SOX13: variants seen among roughly 807,000 people sequenced by gnomAD.
The protein encoded by SOX13 is transcription factor SOX-13.
A neutral mutation model predicts 71.8 loss-of-function variants in SOX13; 28 were observed. That is an observed-to-expected ratio of 0.39 (90% confidence interval 0.29 to 0.53). The LOEUF is 0.53. Among genes scored for constraint, SOX13 ranks in the 20% least tolerant of loss-of-function variants. The pLI, the probability that SOX13 is intolerant of heterozygous loss-of-function variation, is 0.70. For synonymous variants in SOX13, 309 were observed against 317.8 expected (o/e 0.97, Z 0.29); for missense variants, 627 against 810.3 (o/e 0.77, Z 2.75).
intron 1 of SOX13, among the ~76,000 whole-genome samples, chr1:204,079,222 C>A (rs183692530): frequency 1.3e-4 from 20 of 151,806 alleles, no homozygotes; most frequent in African/African-American, 4.8e-4. Context: ...GGCATGAACC[C>A]GGGGCCAAGA....
At chr1:204,114,065 AGGGACTTGTGT>A (rs1447364401) in intron 2 of SOX13, among the ~76,000 whole-genome samples, 2 of 152,228 alleles carry the variant, frequency 1.3e-5, no homozygotes, top group East Asian at 1.9e-4. Context: ...AGAGCATTTC[AGGGACTTGTGT>A]GGGATCAAGC....
rs1655707884 is a variant in SOX13, at chr1:204,073,328, C to T, written c.-385C>T. 6.5e-6 allele frequency: 1 copy of T among 152,854 alleles called. No homozygotes were observed. The highest frequency in any genetic ancestry group is 1.5e-5 in the Non-Finnish European group (1 of 68,488). 9.5% of individuals were successfully genotyped at this position (152,854 alleles called of 1,614,324 possible). A position where few individuals can be genotyped will look rare whatever the true frequency, so the allele number is the denominator to read the frequency against. On this transcript the variant is annotated 5_prime_UTR_variant, in exon 1 of 14. Coordinates refer to ENST00000367204, the MANE Select transcript of SOX13 (RefSeq NM_005686.3). The surrounding 1 kb of genome is among the most constrained non-coding windows in gnomAD (Gnocchi z 6.8). ...CGTGAGAGCCGAAGAGCAGGGAGGG[C>T]GGGCCGGCTGCGCGTCCGACGAGTC...
At position 204,117,637 on chromosome 1, in the gene SOX13, C is replaced by G. The variant is rs1333587289; in HGVS notation, c.705C>G (p.Ser235Arg). 6.2e-7 allele frequency: 1 copy of G among 1,613,726 alleles called. No homozygotes were observed. Among genetic ancestry groups the G allele is most frequent in the South Asian group, 1.1e-5 (1 of 90,932 alleles). Residue 235 changes from serine to arginine, a missense_variant, in exon 7 of 14, where the codon AGC becomes AGG. Physicochemically the swap from Ser to Arg is moderately radical, Grantham distance 110. Coordinates refer to ENST00000367204, the MANE Select transcript of SOX13 (RefSeq NM_005686.3). ...TCATGATCCCAGCCTTCCCCCCAAG[C>G]CACCAACCTCTGCCTGTCACCCCTG... The part of the protein sequence containing the change: ...PYVMIPAFPP[S>R]HQPLPVTPDS...
chr1:204,096,778 A>C (rs2102237287), intron 1 of SOX13, among the ~76,000 whole-genome samples: 1 of 152,174 alleles, frequency 6.6e-6, no homozygotes, highest in East Asian at 1.9e-4. Flanking sequence ...TCTGTTTTTC[A>C]CAGCAGCTAT....
chr1:204,116,286 G>T, intron 4 of SOX13: 3 of 1,508,946 alleles, frequency 2.0e-6, no homozygotes, highest in South Asian at 1.2e-5. Context: ...GGAATTCATG[G>T]CTAATAGGGG....
intron 1 of SOX13, among the ~76,000 whole-genome samples, chr1:204,088,152 G>C (rs1656062411): frequency 6.6e-6 from 1 of 152,204 alleles, no homozygotes; most frequent in Admixed American, 6.5e-5. Flanking sequence ...ATGTGTGCTT[G>C]TAGGGCCCTC....
chr1:204,114,705 C>A, intron 4 of SOX13, 100 bp downstream of exon 4: 1 of 892,194 alleles, frequency 1.1e-6, no homozygotes, highest in Non-Finnish European at 1.9e-6. Context: ...TTGGTACATA[C>A]CTATCCTGTG....
intron 1 of SOX13, among the ~76,000 whole-genome samples, chr1:204,084,768 G>T (rs1655983185): frequency 7.1e-6 from 1 of 140,976 alleles, no homozygotes; most frequent in Non-Finnish European, 1.5e-5. Context: ...CTGTCTTCCA[G>T]ATTCACCCCC....
intron 1 of SOX13, among the ~76,000 whole-genome samples, chr1:204,105,413 C>CTCTTTTTTTTT (rs149562684): frequency 7.2e-6 from 1 of 137,964 alleles, no homozygotes; most frequent in Admixed American, 6.9e-5. Flanking sequence ...TGTATAATCT[C>CTCTTTTTTTTT]TTTTTTTTTT....
chr1:204,086,169 A>G (rs1168404413), intron 1 of SOX13, among the ~76,000 whole-genome samples: 1 of 152,166 alleles, frequency 6.6e-6, no homozygotes, highest in Non-Finnish European at 1.5e-5. Flanking sequence ...GCTCATCCCA[A>G]GCTCCTTGCC....
intron 1 of SOX13, among the ~76,000 whole-genome samples, chr1:204,101,393 G>A (rs137879640): frequency 5.3e-5 from 8 of 152,026 alleles, no homozygotes; most frequent in Non-Finnish European, 1.0e-4. Flanking sequence ...ATGGCTGGGC[G>A]CGGTGGCTAA....
chr1:204,109,854 C>T (rs559655796), intron 1 of SOX13, among the ~76,000 whole-genome samples: 43 of 151,438 alleles, frequency 2.8e-4, no homozygotes, highest in Admixed American at 5.3e-4. Context: ...TTTTTTGAGA[C>T]GGAGTTTCGC....
intron 1 of SOX13, among the ~76,000 whole-genome samples, chr1:204,096,260 G>A (rs557096361): frequency 6.8e-5 from 2 of 29,566 alleles, no homozygotes; most frequent in African/African-American, 1.2e-4. Context: ...TTTTTTTTGC[G>A]ACAGGGTCTC....
chr1:204,082,293 C>G (rs1238164025), intron 1 of SOX13, among the ~76,000 whole-genome samples: 1 of 151,958 alleles, frequency 6.6e-6, no homozygotes, highest in Non-Finnish European at 1.5e-5. Context: ...GGCCTGTGCT[C>G]TGGAGACCCT....
intron 1 of SOX13, among the ~76,000 whole-genome samples, chr1:204,095,005 T>G (rs1239616080): frequency 6.6e-6 from 1 of 152,176 alleles, no homozygotes; most frequent in Admixed American, 6.5e-5. Context: ...GTCCTGCCAC[T>G]CCCTTCTATG....
intron 1 of SOX13, among the ~76,000 whole-genome samples, chr1:204,086,326 T>C (rs1477767297): frequency 6.6e-6 from 1 of 152,174 alleles, no homozygotes; most frequent in East Asian, 1.9e-4. Flanking sequence ...GTTTTTGAAA[T>C]GGAGTCTCGC....
At chr1:204,122,012 G>T (rs760485105) in intron 8 of SOX13, 27 bp downstream of exon 8, 2 of 1,520,788 alleles carry the variant, frequency 1.3e-6, no homozygotes, top group Non-Finnish European at 1.8e-6. Flanking sequence ...ACTGGCCTGG[G>T]GCTCCCTCTC....
intron 13 of SOX13, among the ~76,000 whole-genome samples, chr1:204,125,139 G>A (rs1009020209): frequency 6.6e-6 from 1 of 152,078 alleles, no homozygotes. Flanking sequence ...TAGATCCCAC[G>A]GCCGATAAAC....
Position 204,123,038 on chromosome 1 carries a change from C to A in SOX13, c.1135-74C>A. ...AGGAGTGGAAGACACAGTCTGAGGC[C>A]ACCAAGAGAGGAGCATGGGGAGGAG... On this transcript the variant is annotated intron_variant, in intron 10 of 13. Transcript: ENST00000367204. This position sits in a 1 kb window ranked among gnomAD's most constrained non-coding sequence, Gnocchi z 5.0. 6.6e-7 allele frequency: 1 copy of A among 1,517,100 alleles called. No homozygotes were observed. The highest frequency in any genetic ancestry group is 9.1e-7 in the Non-Finnish European group (1 of 1,095,628). The allele number at this position is 1,517,100 out of a possible 1,614,324, so 94.0% of individuals were successfully genotyped here.
Sources: gnomAD v4.1 joint callset for allele counts (sites outside exome capture counted in the v4.1 genomes callset) on GRCh38, gnomAD v4.1.1 for gene constraint, Gnocchi (gnomAD v3.1) non-coding constraint, MANE v1.5 for transcripts, NCBI Gene and HGNC (gene_info 2026-07-23, HGNC 2026-07-21) for gene names.